DSCAM: variants seen among roughly 807,000 people sequenced by gnomAD.
DSCAM encodes DS cell adhesion molecule.
A neutral mutation model predicts 217.7 loss-of-function variants in DSCAM; 47 were observed. The observed-to-expected ratio is 0.22, with a 90% CI of 0.17 to 0.28. The LOEUF (loss-of-function observed/expected upper bound fraction) is 0.28. Among genes scored for constraint, DSCAM ranks in the 10% least tolerant of loss-of-function variants. The pLI is 1.00. For synonymous variants in DSCAM, 1,056 were observed against 1,015.3 expected, an observed-to-expected ratio of 1.04 and a Z score of -0.76; for missense variants, 2,080 against 2,618.3, an observed-to-expected ratio of 0.79 and a Z score of 4.49.
intron 3 of DSCAM, among the ~76,000 whole-genome samples, chr21:40,461,922 C>G (rs1220197575): frequency 6.6e-6 from 1 of 152,218 alleles, no homozygotes; most frequent in Non-Finnish European, 1.5e-5. Flanking sequence ...GCTCTGCCAA[C>G]ACCTTAATTT....
chr21:40,287,866 G>C (rs1261298499), intron 10 of DSCAM, among the ~76,000 whole-genome samples: 2 of 152,168 alleles, frequency 1.3e-5, no homozygotes, highest in Non-Finnish European at 2.9e-5. Context: ...GCAAACCTGT[G>C]TGTGCACCAA....
intron 3 of DSCAM, among the ~76,000 whole-genome samples, chr21:40,487,326 T>TGAGAGAGAGAGAGAGA (rs10598197): frequency 3.0e-4 from 22 of 72,844 alleles, no homozygotes; most frequent in African/African-American, 1.6e-3. Context: ...TGTGTGTGTG[T>TGAGAGAGAGAGAGAGA]GAGAGAGAGA....
chr21:40,015,881 G>C (rs138231895), intron 32 of DSCAM, among the ~76,000 whole-genome samples: 1 of 152,324 alleles, frequency 6.6e-6, no homozygotes, highest in East Asian at 1.9e-4. Flanking sequence ...ACTGACGCTG[G>C]GTCTGAGTTT....
intron 11 of DSCAM, among the ~76,000 whole-genome samples, chr21:40,193,925 C>T (rs2090980876): frequency 6.6e-6 from 1 of 152,122 alleles, no homozygotes; most frequent in Admixed American, 6.5e-5. Context: ...CTGGTGTTGA[C>T]CCAGAATGTA....
chr21:40,637,066 A>C (rs1247492800), intron 3 of DSCAM, among the ~76,000 whole-genome samples: 1 of 135,946 alleles, frequency 7.4e-6, no homozygotes, highest in Non-Finnish European at 1.5e-5. Context: ...AAAAACATAA[A>C]GGTTGGGTAT....
intron 11 of DSCAM, among the ~76,000 whole-genome samples, chr21:40,258,218 T>C (rs567738391): frequency 2.9e-4 from 44 of 152,272 alleles, no homozygotes; most frequent in African/African-American, 1.0e-3. Context: ...CAAAACTTCT[T>C]CCTGGAGATC....
At chr21:40,197,545 A>G (rs753813806) in intron 11 of DSCAM, among the ~76,000 whole-genome samples, 63 of 152,232 alleles carry the variant, frequency 4.1e-4, no homozygotes, top group Admixed American at 1.8e-3. Flanking sequence ...AGTTTATTAA[A>G]AAATCAATAT....
chr21:40,068,231 G>T (rs774055063), intron 27 of DSCAM, among the ~76,000 whole-genome samples: 4 of 152,150 alleles, frequency 2.6e-5, no homozygotes, highest in Non-Finnish European at 5.9e-5. Context: ...ATAATTTGGA[G>T]ATCAGAGAAT....
intron 3 of DSCAM, among the ~76,000 whole-genome samples, chr21:40,574,380 C>T (rs2076832228): frequency 6.6e-6 from 1 of 152,070 alleles, no homozygotes; most frequent in Admixed American, 6.5e-5. Context: ...AATTATATAA[C>T]TATCTCAATA....
intron 3 of DSCAM, among the ~76,000 whole-genome samples, chr21:40,483,999 C>T (rs756775699): frequency 6.6e-6 from 1 of 152,132 alleles, no homozygotes; most frequent in Non-Finnish European, 1.5e-5. Flanking sequence ...TGGCTATTGG[C>T]CAATAATTAC....
intron 6 of DSCAM, among the ~76,000 whole-genome samples, chr21:40,342,017 G>A (rs1601566910): frequency 1.3e-5 from 2 of 152,120 alleles, no homozygotes; most frequent in Admixed American, 6.5e-5. Flanking sequence ...ACTAAACGCA[G>A]GTTGTATATT....
chr21:40,417,645 A>G (rs1431701792), intron 3 of DSCAM, among the ~76,000 whole-genome samples: 1 of 152,350 alleles, frequency 6.6e-6, no homozygotes, highest in African/African-American at 2.4e-5. Context: ...GAATTTAGCT[A>G]TAATAACCAC....
chr21:40,048,399 T>G (rs1435147274), intron 30 of DSCAM, among the ~76,000 whole-genome samples: 1 of 152,210 alleles, frequency 6.6e-6, no homozygotes, highest in Non-Finnish European at 1.5e-5. Context: ...GAGTCCTAGT[T>G]TTCCAGTGTA....
intron 3 of DSCAM, among the ~76,000 whole-genome samples, chr21:40,407,459 G>T (rs1296955721): frequency 6.6e-6 from 1 of 152,190 alleles, no homozygotes; most frequent in African/African-American, 2.4e-5. Context: ...TTGACCAATA[G>T]AAAGCAATGC....
chr21:40,682,675 G>A (rs1429142639), intron 3 of DSCAM, among the ~76,000 whole-genome samples: 3 of 8,362 alleles, frequency 3.6e-4, no homozygotes, highest in Non-Finnish European at 4.7e-4. Context: ...AGGGGGAGGG[G>A]AGGGGAGGGG....
intron 32 of DSCAM, among the ~76,000 whole-genome samples, chr21:40,017,813 A>G (rs1276933139): frequency 6.6e-6 from 1 of 152,202 alleles, no homozygotes; most frequent in South Asian, 2.1e-4. Flanking sequence ...CAGCCTCCCA[A>G]AGTGTTGGGA....
intron 1 of DSCAM, among the ~76,000 whole-genome samples, chr21:40,795,280 C>A (rs2123478164): frequency 6.6e-6 from 1 of 152,312 alleles, no homozygotes; most frequent in East Asian, 1.9e-4. Context: ...CATGCTCTGG[C>A]TCACAGCCCT....
chr21:40,485,459 G>A (rs1465220725), intron 3 of DSCAM, among the ~76,000 whole-genome samples: 1 of 151,072 alleles, frequency 6.6e-6, no homozygotes, highest in Non-Finnish European at 1.5e-5. Flanking sequence ...AGCCAGGATG[G>A]TCTCCATCTC....
chr21:40,255,692 G>A (rs1005488363), intron 11 of DSCAM, among the ~76,000 whole-genome samples: 1 of 152,244 alleles, frequency 6.6e-6, no homozygotes, highest in African/African-American at 2.4e-5. Flanking sequence ...TCAGAGATCT[G>A]AAGTGTCAGA....
Sources: gnomAD v4.1 joint callset for allele counts (sites outside exome capture counted in the v4.1 genomes callset) on GRCh38, gnomAD v4.1.1 for gene constraint, MANE v1.5 for transcripts, NCBI Gene and HGNC (gene_info 2026-07-23, HGNC 2026-07-21) for gene names.